TBX5: variants seen among roughly 807,000 people sequenced by gnomAD.
TBX5 encodes the protein T-box transcription factor 5, also known as T-box transcription factor TBX5.
In TBX5, 8 loss-of-function variants were observed where a neutral mutation model predicts 51.1. The observed-to-expected ratio is 0.16, with a 90% CI of 0.09 to 0.28. The LOEUF is 0.28. Ranked by LOEUF, TBX5 falls within the 10% of genes least tolerant of loss-of-function variation. The pLI is 1.00. For synonymous variants in TBX5, 302 were observed against 266.4 expected (o/e 1.13, Z -1.30); for missense variants, 589 against 671.7 (o/e 0.88, Z 1.36).
chr12:114,389,789 A>AAAAAAAAAAAAG, intron 6 of TBX5, among the ~76,000 whole-genome samples: 1 of 126,228 alleles, frequency 7.9e-6, no homozygotes, highest in Non-Finnish European at 1.7e-5. Flanking sequence ...AAAAAAAAAA[A>AAAAAAAAAAAAG]GTGGATGAAG....
rs976123177 is a variant in TBX5 at position 114,406,027 on chromosome 12, G to C, written c.-438C>G. ...CGCAGCTTTCAGGATTAAAGTTCCC[G>C]GATTCGAGGTAAGAGTCAGTCTCTC... On this transcript the variant is annotated 5_prime_UTR_variant, in exon 1 of 9. Transcript: ENST00000405440. 1.0e-6 allele frequency: 1 copy of C among 985,028 alleles called. No homozygotes were observed. The highest frequency in any genetic ancestry group is 1.8e-5 in the African/African-American group (1 of 57,102). The allele number at this position is 985,028 out of a possible 1,614,324, so 61.0% of individuals were successfully genotyped here.
intron 5 of TBX5, among the ~76,000 whole-genome samples, chr12:114,397,069 C>T (rs1346228238): frequency 6.6e-6 from 1 of 152,184 alleles, no homozygotes; most frequent in Non-Finnish European, 1.5e-5. Context: ...CATCCCAGAT[C>T]CTGGGGACTT....
chr12:114,373,393 C>T (rs1210959258), intron 7 of TBX5, among the ~76,000 whole-genome samples: 1 of 152,156 alleles, frequency 6.6e-6, no homozygotes, highest in Non-Finnish European at 1.5e-5. Context: ...CTACAGACAA[C>T]AAAGGACAAT....
At chr12:114,358,695 A>G (rs1869056747) in intron 8 of TBX5, among the ~76,000 whole-genome samples, 1 of 152,188 alleles carries the variant, frequency 6.6e-6, no homozygotes. Flanking sequence ...TTCTATCTAC[A>G]TCATGCCAAC....
chr12:114,385,364 G>A, intron 7 of TBX5, 112 bp downstream of exon 7: 1 of 885,184 alleles, frequency 1.1e-6, no homozygotes, highest in Non-Finnish European at 1.9e-6. Flanking sequence ...CATGTGCCTG[G>A]CATTCTACGG....
intron 2 of TBX5, 92 bp from the exon 3 acceptor site, chr12:114,402,012 C>A: frequency 9.0e-7 from 1 of 1,115,492 alleles, no homozygotes; most frequent in Non-Finnish European, 1.3e-6. Flanking sequence ...GACTGCTCCT[C>A]CTTCCCGCTG....
chr12:114,406,511 C>T (rs1233208503), upstream of TBX5, among the ~76,000 whole-genome samples: 1 of 152,136 alleles, frequency 6.6e-6, no homozygotes, highest in African/African-American at 2.4e-5. Context: ...GACATTCTCT[C>T]CAACGCTGAC....
intron 1 of TBX5, 67 bp from the exon 2 acceptor site, chr12:114,404,003 G>C (rs1321663179): frequency 1.3e-5 from 19 of 1,518,104 alleles, no homozygotes; most frequent in Non-Finnish European, 8.9e-7. Context: ...AAAGGTTGGA[G>C]AGCACAATTC....
intron 7 of TBX5, among the ~76,000 whole-genome samples, chr12:114,369,093 G>T (rs1448504408): frequency 6.6e-6 from 1 of 152,114 alleles, no homozygotes; most frequent in East Asian, 1.9e-4. Flanking sequence ...ATTCTATTTA[G>T]ATCTATTTAG....
chr12:114,355,794 G>T lies in TBX5; in HGVS notation c.1295C>A (p.Ser432Ter). 6.2e-7 allele frequency: 1 copy of T among 1,614,182 alleles called. No homozygotes were observed. The highest frequency in any genetic ancestry group is 8.5e-7 in the Non-Finnish European group (1 of 1,180,036). The part of the protein sequence containing the change: ...PYQHFSAHFT[S>*]GPLVPRLAGM... ...AGCCAGCCGAGGGACCAGGGGCCCC[G>T]AGGTGAAGTGAGCGGAGAAGTGCTG... The change falls in exon 9 of 9, where the codon TCG becomes TAG. Residue 432 changes from serine (S) to a stop codon, truncating the protein, a stop_gained. Coordinates refer to ENST00000405440, the MANE Select transcript of TBX5 (RefSeq NM_181486.4). LOFTEE classifies it high-confidence loss of function.
At chr12:114,369,175 A>G (rs1869720161) in intron 7 of TBX5, among the ~76,000 whole-genome samples, 2 of 152,198 alleles carry the variant, frequency 1.3e-5, no homozygotes, top group Admixed American at 1.3e-4. Flanking sequence ...TTTAATAGGA[A>G]CAGTTTTTCT....
Position 114,356,061 on chromosome 12 carries a change from A to G in TBX5, c.1028T>C (p.Met343Thr), listed in dbSNP as rs745997257. ...TTDHPYKKPY[M>T]ETSPSEEDSF... ...ATCTTCTTCACTGGGTGATGTCTCC[A>G]TGTAGGGCTTCTTATAGGGATGGTC... The change falls in exon 9 of 9, where the codon ATG becomes ACG. Residue 343 changes from methionine to threonine, a missense_variant. Transcript: ENST00000405440. 6.2e-7 allele frequency: 1 copy of G among 1,613,872 alleles called. No individual in the cohort carries two copies. Among genetic ancestry groups the G allele is most frequent in the Non-Finnish European group, 8.5e-7 (1 of 1,180,016 alleles).
intron 7 of TBX5, among the ~76,000 whole-genome samples, chr12:114,367,466 A>C (rs958744750): frequency 6.6e-6 from 1 of 152,064 alleles, no homozygotes; most frequent in African/African-American, 2.4e-5. Flanking sequence ...CTGGCCCCTC[A>C]CACTCTTAGG....
At chr12:114,387,559 C>G (rs1206893600) in intron 6 of TBX5, among the ~76,000 whole-genome samples, 1 of 152,162 alleles carries the variant, frequency 6.6e-6, no homozygotes, top group African/African-American at 2.4e-5. Flanking sequence ...GTTTGTGAAA[C>G]TACTCCCTAT....
chr12:114,358,368 A>G (rs1869033178), intron 8 of TBX5, among the ~76,000 whole-genome samples: 2 of 152,182 alleles, frequency 1.3e-5, no homozygotes, highest in Non-Finnish European at 1.5e-5. Flanking sequence ...CCTCAGATAT[A>G]AAGACACAAG....
chr12:114,405,083 C>G (rs536893906), intron 1 of TBX5, among the ~76,000 whole-genome samples: 6 of 152,232 alleles, frequency 3.9e-5, no homozygotes, highest in African/African-American at 1.4e-4. Flanking sequence ...CGGGCACAAG[C>G]GATGGTCCCC....
At chr12:114,403,641 T>C (rs1157532529) in intron 2 of TBX5, 111 bp downstream of exon 2, 6 of 1,477,266 alleles carry the variant, frequency 4.1e-6, no homozygotes, top group Non-Finnish European at 5.4e-6. Flanking sequence ...GGGTTCGTTT[T>C]GGGGTTTTTT....
chr12:114,369,472 A>G (rs770885489), intron 7 of TBX5, among the ~76,000 whole-genome samples: 4 of 152,222 alleles, frequency 2.6e-5, no homozygotes, highest in Non-Finnish European at 4.4e-5. Flanking sequence ...GATGTCCCCA[A>G]ACCCCTCTGA....
At chr12:114,366,425 A>T (rs1378058894) in intron 7 of TBX5, 34 bp from the exon 8 acceptor site, 2 of 1,605,248 alleles carry the variant, frequency 1.2e-6, no homozygotes, top group Non-Finnish European at 1.7e-6. Flanking sequence ...AACGCCTATC[A>T]GTGCCCTGAT....
Sources: gnomAD v4.1 joint callset for allele counts (sites outside exome capture counted in the v4.1 genomes callset) on GRCh38, gnomAD v4.1.1 for gene constraint, MANE v1.5 for transcripts, NCBI Gene and HGNC (gene_info 2026-07-23, HGNC 2026-07-21) for gene names.